TEX10: variants seen among roughly 807,000 people sequenced by gnomAD.
TEX10 encodes the protein testis expressed 10, also known as testis-expressed protein 10.
TEX10 carries 24 observed loss-of-function variants against 104.4 expected under a neutral mutation model. That is an observed-to-expected ratio of 0.23 (90% CI 0.17 to 0.32). The LOEUF is 0.32. Ranked by LOEUF, TEX10 falls within the 10% of genes least tolerant of loss-of-function variation. The pLI, the probability that TEX10 is intolerant of heterozygous loss-of-function variation, is 1.00. For synonymous variants in TEX10, 396 were observed against 393.4 expected (o/e 1.01, Z -0.08); for missense variants, 921 against 1,083.9 (o/e 0.85, Z 2.11).
At chr9:100,337,454 T>G (rs4742783) in intron 5 of TEX10, among the ~76,000 whole-genome samples, 1 of 152,052 alleles carries the variant, frequency 6.6e-6, no homozygotes, top group Middle Eastern at 3.2e-3. Flanking sequence ...ATCAATACTT[T>G]GAGAGTTCAT....
chr9:100,335,207 C>CT (rs995767651), intron 5 of TEX10, among the ~76,000 whole-genome samples: 5 of 151,528 alleles, frequency 3.3e-5, no homozygotes, highest in African/African-American at 4.8e-5. Flanking sequence ...AGGGTCAAGA[C>CT]TTTTTTTTTC....
At chr9:100,314,931 T>C (rs1834377702) in intron 11 of TEX10, among the ~76,000 whole-genome samples, 1 of 152,244 alleles carries the variant, frequency 6.6e-6, no homozygotes, top group Non-Finnish European at 1.5e-5. Context: ...TTCAATTGTT[T>C]CTAAAATGTT....
chr9:100,343,586 T>C (rs1234304775), intron 4 of TEX10, among the ~76,000 whole-genome samples: 10 of 151,342 alleles, frequency 6.6e-5, no homozygotes, highest in African/African-American at 2.2e-4. Context: ...AGCTTCAAAT[T>C]ACTAAAAAGT....
rs543552018 is a variant in TEX10 at position 100,341,229 on chromosome 9, G to C, written c.1138-860C>G. On this transcript the variant is annotated intron_variant, in intron 4 of 14. Transcript: ENST00000374902. The stretch of plus-strand genomic sequence containing the variant: ...GATCCACCTACCTTGGCCTCCCAAA[G>C]TGCTGGGATTACAGGCGTGAGCCAC... Among the ~76,000 whole-genome samples, 4 of 152,286 alleles carry C rather than the reference G, an allele frequency of 2.6e-5. No individual in the cohort carries two copies. In the East Asian group the frequency reaches 7.7e-4, roughly 29 times the overall value.
At chr9:100,338,852 T>C (rs984042529) in intron 5 of TEX10, among the ~76,000 whole-genome samples, 13 of 24,914 alleles carry the variant, frequency 5.2e-4, no homozygotes, top group East Asian at 0.011. Context: ...AGATTACGCC[T>C]TGCACTCCAG....
chr9:100,336,317 C>A (rs1835007672), intron 5 of TEX10, among the ~76,000 whole-genome samples: 1 of 152,210 alleles, frequency 6.6e-6, no homozygotes, highest in Non-Finnish European at 1.5e-5. Context: ...CCAGGCCACA[C>A]AGCAGGAGGT....
At chr9:100,331,310 G>A (rs893234229) in intron 5 of TEX10, among the ~76,000 whole-genome samples, 1 of 152,096 alleles carries the variant, frequency 6.6e-6, no homozygotes, top group Non-Finnish European at 1.5e-5. Context: ...GCTGGCAAGT[G>A]CCTGTAGTCC....
At chr9:100,331,489 G>A (rs149532823) in intron 5 of TEX10, among the ~76,000 whole-genome samples, 139 of 152,218 alleles carry the variant, frequency 9.1e-4, no homozygotes, top group African/African-American at 3.2e-3. Flanking sequence ...AATATCTCAA[G>A]CCAATCAATT....
In TEX10 at chr9:100,346,212, C is replaced by T. The variant is rs1835295422; in HGVS notation, c.997G>A (p.Val333Ile). ...GCTAGTTGTGGAGGTACAGCTTCAA[C>T]CCAGCATTCAATTAGCAATGGAATT... ...IIIPLLIECW[V>I]EAVPPQLATP... Residue 333 changes from valine to isoleucine, a missense_variant, in exon 4 of 15, where the codon GTT becomes ATT. Physicochemically the swap from Val to Ile is conservative, Grantham distance 29. Around this residue, in one of 3 missense-constraint regions of TEX10, gnomAD observed 753 missense variants for 868.4 expected, o/e 0.87. Transcript: ENST00000374902. The T allele has an allele frequency of 6.2e-7, 1 of 1,613,860 alleles. No homozygotes were observed. Among genetic ancestry groups the T allele is most frequent in the Admixed American group, 1.7e-5 (1 of 59,988 alleles).
chr9:100,332,639 G>A (rs889310551), intron 5 of TEX10, among the ~76,000 whole-genome samples: 1 of 151,964 alleles, frequency 6.6e-6, no homozygotes, highest in South Asian at 2.1e-4. Context: ...GGCTAACACG[G>A]TGAAACCCCA....
At chr9:100,308,721 AG>A in intron 12 of TEX10, 40 bp from the exon 13 acceptor site, 1 of 1,474,544 alleles carries the variant, frequency 6.8e-7, no homozygotes, top group Non-Finnish European at 9.0e-7. Context: ...TCTTCATAAC[AG>A]ACCCGCTCCT....
At chr9:100,332,510 G>A (rs970701234) in intron 5 of TEX10, among the ~76,000 whole-genome samples, 7 of 152,278 alleles carry the variant, frequency 4.6e-5, no homozygotes, top group African/African-American at 1.4e-4. Context: ...AGTAAAGGTA[G>A]TATAGGTAAT....
In TEX10 at chr9:100,302,231, C is replaced by G. The variant is rs770593519; in HGVS notation, c.2750G>C (p.Gly917Ala). The G allele has an allele frequency of 6.2e-7, 1 of 1,612,960 alleles. No homozygotes were observed. The highest frequency in any genetic ancestry group is 8.5e-7 in the Non-Finnish European group (1 of 1,179,338). ...CAGTGCACTGGGCCCTTGGGGATGC[C>G]CAGTGATATACACGTTGAAGCAGTA... Reference protein sequence around the residue: ...LHYCFNVYITGHPQGPSALAT... With the variant: ...LHYCFNVYITAHPQGPSALAT... Residue 917 changes from glycine (G) to alanine (A), a missense_variant, in exon 15 of 15, where the codon GGG becomes GCG. Coordinates refer to ENST00000374902, the MANE Select transcript of TEX10 (RefSeq NM_017746.4).
chr9:100,322,906 G>A (rs1268706442), intron 9 of TEX10, among the ~76,000 whole-genome samples: 1 of 152,104 alleles, frequency 6.6e-6, no homozygotes, highest in Non-Finnish European at 1.5e-5. Flanking sequence ...GTGAGCCACT[G>A]CACCCAGCCT....
At chr9:100,323,228 T>A (rs1206223330) in intron 9 of TEX10, among the ~76,000 whole-genome samples, 1 of 152,208 alleles carries the variant, frequency 6.6e-6, no homozygotes, top group African/African-American at 2.4e-5. Context: ...TATCATACTG[T>A]CTTTAAAACT....
chr9:100,327,386 A>C (rs1177065248), intron 8 of TEX10, among the ~76,000 whole-genome samples: 1 of 151,776 alleles, frequency 6.6e-6, no homozygotes. Flanking sequence ...ATGTTTTAAT[A>C]ATTTTGCTTA....
At chr9:100,344,485 T>A (rs1835251122) in intron 4 of TEX10, among the ~76,000 whole-genome samples, 1 of 147,106 alleles carries the variant, frequency 6.8e-6, no homozygotes, top group African/African-American at 2.5e-5. Flanking sequence ...TAACAAAAGT[T>A]TACTAGTGCT....
chr9:100,320,786 AGAT>A (rs1161589919), intron 10 of TEX10, among the ~76,000 whole-genome samples: 2 of 152,238 alleles, frequency 1.3e-5, no homozygotes, highest in Non-Finnish European at 2.9e-5. Flanking sequence ...TTAGGTTCTT[AGAT>A]AATAGACCTT....
rs1229327003 is a variant in TEX10 at position 100,347,339 on chromosome 9, T to C, written c.248A>G (p.Asp83Gly). 1 of 1,613,400 alleles carries C rather than the reference T, an allele frequency of 6.2e-7. No homozygotes were observed. Among genetic ancestry groups the C allele is most frequent in the African/African-American group, 1.3e-5 (1 of 74,904 alleles). The change falls in exon 3 of 15, where the codon GAC becomes GGC. Residue 83 changes from aspartate (D) to glycine (G), a missense_variant. By Grantham distance (94) the Asp-to-Gly change is moderately conservative. Coordinates refer to ENST00000374902, the MANE Select transcript of TEX10 (RefSeq NM_017746.4). ...VKQSALLGLK[D>G]LLSQYPFIID... is the part of the protein sequence containing the mutation. Reference sequence around the variant, plus strand: ...TATAAATGGGTATTGAGACAAAAGGTCTTTAAGTCCAAGAAGAGCACTTTG... The same window carrying C: ...TATAAATGGGTATTGAGACAAAAGGCCTTTAAGTCCAAGAAGAGCACTTTG...
Sources: allele counts gnomAD v4.1 joint callset (sites outside exome capture counted in the v4.1 genomes callset), GRCh38; gene constraint gnomAD v4.1.1; regional missense constraint gnomAD v4.1.1; transcripts MANE v1.5; gene names NCBI Gene and HGNC (gene_info 2026-07-23, HGNC 2026-07-21).